The following PPM1E variants were observed in gnomAD, a reference collection of about 807,000 sequenced individuals.
PPM1E encodes the protein protein phosphatase 1E.
In PPM1E, 20 loss-of-function variants were observed where a neutral mutation model predicts 65.9. The ratio of observed to expected loss-of-function variants is 0.30; its 90% CI spans 0.21 to 0.44. PPM1E has a LOEUF of 0.44. Ranked by LOEUF, PPM1E falls within the 20% of genes least tolerant of loss-of-function variation. PPM1E has a pLI of 1.00. For missense variants in PPM1E, 713 were observed against 953.1 expected (o/e 0.75, Z 3.32); for synonymous variants, 352 against 374.9 (o/e 0.94, Z 0.70).
At chr17:58,937,466 C>CTGTG in intron 1 of PPM1E, among the ~76,000 whole-genome samples, 3 of 149,788 alleles carry the variant, frequency 2.0e-5, no homozygotes, top group Non-Finnish European at 4.5e-5. Context: ...GTTTCACCAC[C>CTGTG]TTGGCCAGGC....
chr17:58,879,830 G>A (rs2051173024), intron 1 of PPM1E, among the ~76,000 whole-genome samples: 1 of 152,030 alleles, frequency 6.6e-6, no homozygotes, highest in African/African-American at 2.4e-5. Flanking sequence ...TAAAATATTT[G>A]GGCTTCAACT....
At chr17:58,901,450 G>A (rs1309430326) in intron 1 of PPM1E, among the ~76,000 whole-genome samples, 2 of 152,134 alleles carry the variant, frequency 1.3e-5, no homozygotes, top group Non-Finnish European at 2.9e-5. Flanking sequence ...GAGGCAGGCA[G>A]ATCACCTGAG....
chr17:58,921,295 T>C (rs1177783222), intron 1 of PPM1E, among the ~76,000 whole-genome samples: 1 of 152,154 alleles, frequency 6.6e-6, no homozygotes, highest in African/African-American at 2.4e-5. Flanking sequence ...TATTTTAACA[T>C]TGGAAACATT....
chr17:58,969,706 T>C lies in PPM1E; in HGVS notation c.951T>C (p.Phe317=). 6 of 1,614,172 alleles carry C rather than the reference T, an allele frequency of 3.7e-6. No homozygotes were observed. The highest frequency in any genetic ancestry group is 5.1e-6 in the Non-Finnish European group (6 of 1,180,020). The stretch of plus-strand genomic sequence containing the variant: ...CCTTCCGGGTCACTGATGAGCGGTT[T>C]GTGCAGAAAGCAGCCAGGGAGGTAT... ...CRAFRVTDER[F]VQKAARESLR... The change falls in exon 4 of 7, where the codon TTT becomes TTC. Residue 317 remains phenylalanine, a synonymous_variant. Transcript: ENST00000308249.
At chr17:58,835,662 A>T (rs1233070162) in intron 1 of PPM1E, among the ~76,000 whole-genome samples, 3 of 151,910 alleles carry the variant, frequency 2.0e-5, no homozygotes, top group Non-Finnish European at 4.4e-5. Flanking sequence ...TCTACAAAAA[A>T]TTTTTAAAAA....
chr17:58,775,869 G>A (rs2144190073), intron 1 of PPM1E, among the ~76,000 whole-genome samples: 1 of 127,162 alleles, frequency 7.9e-6, no homozygotes, highest in South Asian at 2.5e-4. Context: ...AGCCGAGATT[G>A]CGCCACTGCA....
At chr17:58,776,576 C>T (rs1253100003) in intron 1 of PPM1E, among the ~76,000 whole-genome samples, 9 of 152,012 alleles carry the variant, frequency 5.9e-5, no homozygotes, top group African/African-American at 2.2e-4. Context: ...AAATATTTGT[C>T]CTTGATCTGT....
chr17:58,851,739 TGAG>T (rs2050828264), intron 1 of PPM1E, among the ~76,000 whole-genome samples: 1 of 152,234 alleles, frequency 6.6e-6, no homozygotes, highest in Non-Finnish European at 1.5e-5. Context: ...GGGACCCACT[TGAG>T]GAGGCAATAT....
chr17:58,890,632 T>C (rs1305166973), intron 1 of PPM1E, among the ~76,000 whole-genome samples: 1 of 152,178 alleles, frequency 6.6e-6, no homozygotes, highest in Non-Finnish European at 1.5e-5. Flanking sequence ...TATGTGTGTA[T>C]ATAAACATAC....
chr17:58,913,581 T>C (rs998026714), intron 1 of PPM1E, among the ~76,000 whole-genome samples: 7 of 152,094 alleles, frequency 4.6e-5, no homozygotes, highest in Non-Finnish European at 8.8e-5. Context: ...ATTACTCAAG[T>C]CACTCCCCCT....
At chr17:58,873,893 G>A (rs1301790703) in intron 1 of PPM1E, among the ~76,000 whole-genome samples, 4 of 151,256 alleles carry the variant, frequency 2.6e-5, no homozygotes, top group African/African-American at 4.9e-5. Flanking sequence ...CACCGTGCCC[G>A]GCCTAGTGTT....
chr17:58,957,920 A>T (rs959701951), intron 2 of PPM1E, among the ~76,000 whole-genome samples: 3 of 152,148 alleles, frequency 2.0e-5, no homozygotes, highest in African/African-American at 7.2e-5. Context: ...AGGCAGGAGG[A>T]TCACTTGAGG....
At chr17:58,849,016 C>T (rs2050798958) in intron 1 of PPM1E, among the ~76,000 whole-genome samples, 1 of 152,066 alleles carries the variant, frequency 6.6e-6, no homozygotes, top group Non-Finnish European at 1.5e-5. Flanking sequence ...GTGTATGTGT[C>T]CAGGAATTTA....
At chr17:58,973,933 C>G (rs145223181) in intron 6 of PPM1E, among the ~76,000 whole-genome samples, 1 of 119,064 alleles carries the variant, frequency 8.4e-6, no homozygotes, top group Non-Finnish European at 1.6e-5. Flanking sequence ...GGCTGGGCGA[C>G]AGAGCGAGAC....
At chr17:58,873,060 A>G (rs1374909318) in intron 1 of PPM1E, among the ~76,000 whole-genome samples, 4 of 152,238 alleles carry the variant, frequency 2.6e-5, no homozygotes, top group African/African-American at 9.6e-5. Flanking sequence ...AAAATTATCT[A>G]AAATTCTGCC....
At chr17:58,769,982 G>A (rs1052176513) in intron 1 of PPM1E, among the ~76,000 whole-genome samples, 8 of 151,990 alleles carry the variant, frequency 5.3e-5, no homozygotes, top group Non-Finnish European at 1.2e-4. Context: ...AACTGAGATT[G>A]TGCCACTGCA....
chr17:58,760,907 A>G (rs1339038097), intron 1 of PPM1E, among the ~76,000 whole-genome samples: 1 of 152,236 alleles, frequency 6.6e-6, no homozygotes, highest in Non-Finnish European at 1.5e-5. Flanking sequence ...AAAGGAAGAG[A>G]GATGCCTAGG....
chr17:58,769,322 C>T (rs866084048), intron 1 of PPM1E, among the ~76,000 whole-genome samples: 23 of 152,236 alleles, frequency 1.5e-4, no homozygotes, highest in Admixed American at 5.2e-4. Flanking sequence ...AGACTGGGCT[C>T]AGTGGCTCCC....
chr17:58,761,135 G>A (rs1329511699), intron 1 of PPM1E, among the ~76,000 whole-genome samples: 1 of 152,130 alleles, frequency 6.6e-6, no homozygotes, highest in Admixed American at 6.6e-5. Context: ...CAAACTCCTG[G>A]CTCAAATGAT....
Sources: allele counts gnomAD v4.1 joint callset (sites outside exome capture counted in the v4.1 genomes callset), GRCh38; gene constraint gnomAD v4.1.1; transcripts MANE v1.5; gene names NCBI Gene and HGNC (gene_info 2026-07-23, HGNC 2026-07-21).